The following EXOC4 variants were observed in gnomAD, a reference collection of about 807,000 sequenced individuals.
The protein encoded by EXOC4 is exocyst complex component 4.
EXOC4 carries 71 observed loss-of-function variants against 107.2 expected under a neutral mutation model. The ratio of observed to expected loss-of-function variants is 0.66; its 90% CI spans 0.55 to 0.81. EXOC4 has a LOEUF of 0.81. Among genes scored for constraint, EXOC4 ranks in the 30% least tolerant of loss-of-function variants. The pLI, the probability that EXOC4 is intolerant of heterozygous loss-of-function variation, is 0.00. For missense variants in EXOC4, 1,108 were observed against 1,189.6 expected (o/e 0.93, Z 1.01); for synonymous variants, 456 against 441.2 (o/e 1.03, Z -0.42).
intron 10 of EXOC4, among the ~76,000 whole-genome samples, chr7:133,804,908 T>C (rs1397361964): frequency 6.6e-6 from 1 of 152,186 alleles, no homozygotes; most frequent in Non-Finnish European, 1.5e-5. Context: ...TCCTAAAACA[T>C]AGCCTTAAAA....
chr7:133,889,087 T>A (rs751349071), intron 11 of EXOC4, among the ~76,000 whole-genome samples: 14 of 152,314 alleles, frequency 9.2e-5, no homozygotes, highest in Non-Finnish European at 1.8e-4. Flanking sequence ...CTGAATAGAT[T>A]GATGGTTTTG....
At chr7:133,425,378 A>G (rs1439437266) in intron 7 of EXOC4, among the ~76,000 whole-genome samples, 3 of 152,014 alleles carry the variant, frequency 2.0e-5, no homozygotes, top group Admixed American at 6.5e-5. Context: ...ACCTCTGCCT[A>G]CCGGTTCAAG....
the EXOC4 span, among the ~76,000 whole-genome samples, chr7:134,077,043 T>A: frequency 6.6e-6 from 1 of 151,920 alleles, no homozygotes; most frequent in East Asian, 1.9e-4. Context: ...CTCACATGAT[T>A]ATGGAGACTG....
intron 9 of EXOC4, among the ~76,000 whole-genome samples, chr7:133,582,490 G>A (rs376501640): frequency 2.0e-5 from 3 of 152,100 alleles, no homozygotes; most frequent in South Asian, 2.1e-4. Flanking sequence ...ACTGCTTTGC[G>A]GGGTTGTTAA....
At chr7:133,267,014 A>C (rs1232030333) in intron 1 of EXOC4, among the ~76,000 whole-genome samples, 1 of 152,168 alleles carries the variant, frequency 6.6e-6, no homozygotes, top group Non-Finnish European at 1.5e-5. Context: ...TATGATCTGC[A>C]TAGTTGTCTT....
At chr7:133,387,878 C>G (rs1183832052) in intron 7 of EXOC4, among the ~76,000 whole-genome samples, 1 of 151,842 alleles carries the variant, frequency 6.6e-6, no homozygotes, top group African/African-American at 2.4e-5. Context: ...TAGTTGAGTT[C>G]ATGGGCAAAG....
intron 9 of EXOC4, among the ~76,000 whole-genome samples, chr7:133,612,075 G>T (rs998711212): frequency 6.6e-6 from 1 of 152,078 alleles, no homozygotes; most frequent in Non-Finnish European, 1.5e-5. Context: ...GTAATCTTTA[G>T]TATTCATGTT....
intron 10 of EXOC4, among the ~76,000 whole-genome samples, chr7:133,649,558 T>G (rs1254735017): frequency 2.6e-5 from 4 of 151,274 alleles, no homozygotes; most frequent in African/African-American, 9.7e-5. Context: ...GATGGAATGG[T>G]GTACCCCATC....
intron 9 of EXOC4, among the ~76,000 whole-genome samples, chr7:133,580,416 T>G (rs1801229539): frequency 6.6e-6 from 1 of 152,182 alleles, no homozygotes; most frequent in South Asian, 2.1e-4. Context: ...TTGAGGGATC[T>G]CCCTACTGTT....
chr7:133,343,933 C>T (rs1795725905), intron 5 of EXOC4, among the ~76,000 whole-genome samples: 1 of 151,934 alleles, frequency 6.6e-6, no homozygotes, highest in African/African-American at 2.4e-5. Flanking sequence ...GCTGCCTCAG[C>T]CTCCCAGATA....
At chr7:133,608,546 CTTTTTTTTTTTTTTTT>C (rs1161155238) in intron 9 of EXOC4, among the ~76,000 whole-genome samples, 1 of 85,026 alleles carries the variant, frequency 1.2e-5, no homozygotes, top group Non-Finnish European at 2.2e-5. Context: ...TGCTGTATTT[CTTTTTTTTTTTTTTTT>C]TTTTTTTGGA....
At chr7:133,691,339 C>T (rs1794414263) in intron 10 of EXOC4, among the ~76,000 whole-genome samples, 1 of 152,122 alleles carries the variant, frequency 6.6e-6, no homozygotes, top group African/African-American at 2.4e-5. Flanking sequence ...CATTTGATTC[C>T]TTGGGTCTAT....
At chr7:133,445,888 T>G (rs1229477676) in intron 7 of EXOC4, among the ~76,000 whole-genome samples, 3 of 151,916 alleles carry the variant, frequency 2.0e-5, no homozygotes, top group Admixed American at 2.0e-4. Context: ...TGGTGGCGCA[T>G]GCCTGCAGTC....
intron 11 of EXOC4, among the ~76,000 whole-genome samples, chr7:133,837,829 G>A (rs1169494341): frequency 6.6e-6 from 1 of 152,146 alleles, no homozygotes; most frequent in Non-Finnish European, 1.5e-5. Context: ...GTCTAAGTTG[G>A]ATAAGGTAAA....
At chr7:133,277,423 G>A (rs150843215) in intron 2 of EXOC4, among the ~76,000 whole-genome samples, 2,465 of 152,260 alleles carry the variant, frequency 0.016, 250 homozygotes, top group Admixed American at 0.15. Context: ...AATCTCATGG[G>A]CATGGGAAGC....
chr7:133,291,662 C>T lies in EXOC4; in HGVS notation c.471+2546C>T, dbSNP rs1794408917. The stretch of plus-strand genomic sequence containing the variant: ...CCTCCCAAAGTGCTGGGATTACAGC[C>T]GTGAGCTACTCTGCCCGGCCTGTTA... On this transcript the variant is annotated intron_variant, in intron 3 of 17. Transcript: ENST00000253861. Among the ~76,000 whole-genome samples, 2 of 151,960 alleles carry T rather than the reference C, an allele frequency of 1.3e-5. 1 individual carries two copies. The highest frequency in any genetic ancestry group is 4.1e-4 in the South Asian group (2 of 4,820).
At chr7:133,362,815 C>T (rs2150669101) in intron 6 of EXOC4, among the ~76,000 whole-genome samples, 1 of 152,272 alleles carries the variant, frequency 6.6e-6, no homozygotes, top group East Asian at 1.9e-4. Context: ...ACATAAATAG[C>T]ATTTCGTTTT....
intron 11 of EXOC4, among the ~76,000 whole-genome samples, chr7:133,882,206 G>A (rs1798980970): frequency 6.6e-6 from 1 of 152,142 alleles, no homozygotes; most frequent in Admixed American, 6.6e-5. Context: ...TCATTGCTCT[G>A]TAGTATCTCA....
chr7:133,983,975 C>A (rs909987073), intron 14 of EXOC4, among the ~76,000 whole-genome samples: 1 of 152,038 alleles, frequency 6.6e-6, no homozygotes, highest in Non-Finnish European at 1.5e-5. Flanking sequence ...TTTTACCAAG[C>A]CTTAGGGAGG....
Sources: gnomAD v4.1 joint callset for allele counts (sites outside exome capture counted in the v4.1 genomes callset) on GRCh38, gnomAD v4.1.1 for gene constraint, MANE v1.5 for transcripts, NCBI Gene and HGNC (gene_info 2026-07-23, HGNC 2026-07-21) for gene names.